Variants in NUDCD1 observed in about 807,000 individuals in gnomAD.
NUDCD1 encodes NudC domain containing 1.
In NUDCD1, 60 loss-of-function variants were observed where a neutral mutation model predicts 67.8. The ratio of observed to expected loss-of-function variants is 0.88; its 90% CI spans 0.72 to 1.10. The LOEUF (loss-of-function observed/expected upper bound fraction) is 1.10, where lower values mean the gene tolerates loss of function less well. NUDCD1 is among the 50% of genes least tolerant of loss of function. The probability of loss-of-function intolerance (pLI) is 0.00; values close to 1 mark genes in which losing one functional copy is unlikely to be tolerated. For synonymous variants in NUDCD1, 244 were observed against 230.8 expected (o/e 1.06, Z -0.52); for missense variants, 643 against 695.0 (o/e 0.93, Z 0.84).
intron 5 of NUDCD1, among the ~76,000 whole-genome samples, chr8:109,283,497 C>G (rs959313191): frequency 9.2e-5 from 14 of 152,190 alleles, no homozygotes; most frequent in Middle Eastern, 3.4e-3. Context: ...ACTAGACTGT[C>G]CAAGGTCAAC....
intron 6 of NUDCD1, among the ~76,000 whole-genome samples, chr8:109,277,103 G>A (rs1814307832): frequency 6.6e-6 from 1 of 151,958 alleles, no homozygotes; most frequent in East Asian, 1.9e-4. Flanking sequence ...TAACTCATTG[G>A]TTACAACAAC....
chr8:109,303,752 C>G (rs1242044739), intron 2 of NUDCD1, among the ~76,000 whole-genome samples: 5 of 152,080 alleles, frequency 3.3e-5, no homozygotes, highest in Non-Finnish European at 7.4e-5. Context: ...CAACCCTTAC[C>G]ATCCCATTAA....
chr8:109,250,384 C>A (rs533271216), intron 8 of NUDCD1, among the ~76,000 whole-genome samples: 1 of 152,250 alleles, frequency 6.6e-6, no homozygotes, highest in East Asian at 1.9e-4. Flanking sequence ...AGAAACTGAA[C>A]ATGAGCATTA....
In NUDCD1 at chr8:109,247,734, C is replaced by A. The variant is rs548904946; in HGVS notation, c.1300-2253G>T. Among the ~76,000 whole-genome samples the A allele has an allele frequency of 6.6e-5, 10 of 152,274 alleles. No homozygotes were observed. In the East Asian group the frequency reaches 1.2e-3, roughly 18 times the overall value. Reference sequence around the variant, plus strand: ...ATCCTCTAAGACTCAATTCAACCATCAGTTGCTCTCAGAATTCCCCCACTC... The same window carrying A: ...ATCCTCTAAGACTCAATTCAACCATAAGTTGCTCTCAGAATTCCCCCACTC... On this transcript the variant is annotated intron_variant, in intron 8 of 9. Transcript: ENST00000239690.
At chr8:109,243,455 C>T (rs893256736) in intron 9 of NUDCD1, among the ~76,000 whole-genome samples, 154 bp from the exon 10 acceptor site, 2 of 152,062 alleles carry the variant, frequency 1.3e-5, no homozygotes, top group Non-Finnish European at 2.9e-5. Flanking sequence ...GAATCATTAA[C>T]GATTAGCCAC....
At chr8:109,245,542 A>C in intron 8 of NUDCD1, 61 bp from the exon 9 acceptor site, 1 of 1,331,346 alleles carries the variant, frequency 7.5e-7, no homozygotes, top group Non-Finnish European at 1.1e-6. Context: ...AACAATAACA[A>C]TGGCAGAAGC....
rs550158480 is a variant in NUDCD1 at position 109,292,248 on chromosome 8, G to A, written c.640+1096C>T. 2.0e-5 allele frequency among the ~76,000 whole-genome samples: 3 copies of A among 152,106 alleles called. No homozygotes were observed. In the South Asian group the frequency reaches 6.2e-4, roughly 32 times the overall value. On this transcript the variant is annotated intron_variant, in intron 4 of 9. Transcript: ENST00000239690. ...GGATAGCTGTGACATAGATCTTATG[G>A]TTACCAACTGGGATTTCAAAAAAGT... is the stretch of plus-strand genomic sequence containing the variant.
chr8:109,300,475 G>A (rs1379277332), intron 2 of NUDCD1, among the ~76,000 whole-genome samples: 1 of 152,098 alleles, frequency 6.6e-6, no homozygotes, highest in Non-Finnish European at 1.5e-5. Context: ...CTCAGCAATA[G>A]AATCAAACAA....
At chr8:109,299,212 G>A (rs1291531080) in intron 2 of NUDCD1, among the ~76,000 whole-genome samples, 4 of 152,180 alleles carry the variant, frequency 2.6e-5, no homozygotes, top group Non-Finnish European at 5.9e-5. Context: ...ATCGCCAGCT[G>A]AACTTTGTAA....
intron 2 of NUDCD1, among the ~76,000 whole-genome samples, chr8:109,307,405 C>T (rs1211914729): frequency 6.6e-6 from 1 of 152,190 alleles, no homozygotes; most frequent in Non-Finnish European, 1.5e-5. Context: ...AATAAACAGC[C>T]TTGTGGCTCA....
chr8:109,302,601 G>T (rs2130066359), intron 2 of NUDCD1, among the ~76,000 whole-genome samples: 1 of 152,196 alleles, frequency 6.6e-6, no homozygotes, highest in East Asian at 1.9e-4. Flanking sequence ...TTCGTTCTGT[G>T]ACTAGCCCTC....
chr8:109,249,153 T>C (rs768305743), intron 8 of NUDCD1, among the ~76,000 whole-genome samples: 3 of 152,208 alleles, frequency 2.0e-5, no homozygotes, highest in Non-Finnish European at 4.4e-5. Context: ...CACTTCACAA[T>C]TGTTATGATG....
At chr8:109,265,418 C>A (rs1813971585) in intron 8 of NUDCD1, among the ~76,000 whole-genome samples, 1 of 152,074 alleles carries the variant, frequency 6.6e-6, no homozygotes, top group East Asian at 1.9e-4. Context: ...TAACTATTTA[C>A]ACTATTATAA....
intron 2 of NUDCD1, among the ~76,000 whole-genome samples, chr8:109,303,934 T>A (rs1815046746): frequency 6.6e-6 from 1 of 152,146 alleles, no homozygotes; most frequent in African/African-American, 2.4e-5. Flanking sequence ...TCTTACAGGT[T>A]AGTTCAGGAT....
At chr8:109,319,268 C>T (rs190918036) in intron 2 of NUDCD1, among the ~76,000 whole-genome samples, 27 of 152,278 alleles carry the variant, frequency 1.8e-4, no homozygotes, top group Admixed American at 1.3e-3. Flanking sequence ...CCACCGCGCT[C>T]GGCCCATTTT....
At chr8:109,277,171 T>C (rs1452656848) in intron 6 of NUDCD1, among the ~76,000 whole-genome samples, 1 of 152,144 alleles carries the variant, frequency 6.6e-6, no homozygotes. Context: ...GAAAAAAAAG[T>C]ACTGAGGTTA....
At chr8:109,259,913 T>A (rs887898645) in intron 8 of NUDCD1, among the ~76,000 whole-genome samples, 18 of 152,174 alleles carry the variant, frequency 1.2e-4, no homozygotes, top group African/African-American at 4.1e-4. Flanking sequence ...TTTAACAGCT[T>A]ACTATTCAAA....
At chr8:109,273,436 T>C (rs1814205948) in intron 7 of NUDCD1, among the ~76,000 whole-genome samples, 2 of 152,052 alleles carry the variant, frequency 1.3e-5, no homozygotes. Context: ...TAGAAGGATA[T>C]GTACAACATT....
intron 8 of NUDCD1, among the ~76,000 whole-genome samples, chr8:109,262,825 G>A (rs1444349974): frequency 6.6e-6 from 1 of 151,960 alleles, no homozygotes; most frequent in Non-Finnish European, 1.5e-5. Flanking sequence ...GGAGACCAAG[G>A]TGGGTGAATA....
Sources: gnomAD v4.1 joint callset for allele counts (sites outside exome capture counted in the v4.1 genomes callset) on GRCh38, gnomAD v4.1.1 for gene constraint, MANE v1.5 for transcripts, NCBI Gene and HGNC (gene_info 2026-07-23, HGNC 2026-07-21) for gene names.